The following PLCZ1 variants were observed in gnomAD, a reference collection of about 807,000 sequenced individuals.
PLCZ1 encodes the protein 1-phosphatidylinositol 4,5-bisphosphate phosphodiesterase zeta-1.
In PLCZ1, 64 loss-of-function variants were observed where a neutral mutation model predicts 76.8. The observed-to-expected ratio is 0.83, with a 90% confidence interval of 0.68 to 1.03. The LOEUF (loss-of-function observed/expected upper bound fraction) is 1.03. Among genes scored for constraint, PLCZ1 ranks in the 50% least tolerant of loss-of-function variants. The pLI, the probability that PLCZ1 is intolerant of heterozygous loss-of-function variation, is 0.00. For missense variants in PLCZ1, 751 were observed against 713.7 expected (o/e 1.05, Z -0.60); for synonymous variants, 248 against 230.8 (o/e 1.07, Z -0.68).
intron 6 of PLCZ1, among the ~76,000 whole-genome samples, chr12:18,707,805 G>T (rs563364122): frequency 6.6e-6 from 1 of 152,216 alleles, no homozygotes; most frequent in African/African-American, 2.4e-5. Flanking sequence ...CAGCTGGGAA[G>T]TCTCATTGAG....
At chr12:18,682,060 T>C (rs950421477), downstream of PLCZ1, among the ~76,000 whole-genome samples, 2 of 152,042 alleles carry the variant, frequency 1.3e-5, no homozygotes, top group Admixed American at 6.6e-5. Flanking sequence ...TTTCTAAGAA[T>C]TGGCTGTGCA....
chr12:18,702,524 C>T (rs1186311978), intron 7 of PLCZ1, among the ~76,000 whole-genome samples: 1 of 152,030 alleles, frequency 6.6e-6, no homozygotes, highest in Non-Finnish European at 1.5e-5. Context: ...TTTGATTGTC[C>T]TTTCTCTTTT....
the PLCZ1 span, among the ~76,000 whole-genome samples, chr12:18,654,806 A>G: frequency 3.3e-5 from 5 of 152,192 alleles, no homozygotes; most frequent in Non-Finnish European, 7.3e-5. Context: ...AGTGACAAAC[A>G]TCGAACTCAC....
At chr12:18,674,127 A>G in the PLCZ1 span, among the ~76,000 whole-genome samples, 21 of 152,354 alleles carry the variant, frequency 1.4e-4, no homozygotes, top group African/African-American at 4.8e-4. Context: ...AAAGAATATT[A>G]GAGGGAAAAG....
the PLCZ1 span, among the ~76,000 whole-genome samples, chr12:18,675,738 T>C: frequency 3.9e-5 from 6 of 152,106 alleles, no homozygotes; most frequent in Non-Finnish European, 7.3e-5. Flanking sequence ...TGGATGGAGC[T>C]GGAGTCCATT....
At chr12:18,721,763 T>C (rs1368024259) in intron 4 of PLCZ1, among the ~76,000 whole-genome samples, 1 of 151,480 alleles carries the variant, frequency 6.6e-6, no homozygotes, top group Non-Finnish European at 1.5e-5. Flanking sequence ...TGCTTAGTGA[T>C]ATAGTCGCTT....
At chr12:18,729,295 A>C (rs867842421) in intron 3 of PLCZ1, among the ~76,000 whole-genome samples, 11,015 of 152,056 alleles carry the variant, frequency 0.072, 499 homozygotes, top group Middle Eastern at 0.12. Flanking sequence ...CTTCTTATTT[A>C]AGGTCCAGCA....
At chr12:18,650,347 ATGTGTGTG>A in the PLCZ1 span, among the ~76,000 whole-genome samples, 6,994 of 114,528 alleles carry the variant, frequency 0.061, 218 homozygotes, top group Middle Eastern at 0.12. Flanking sequence ...ATATATATAT[ATGTGTGTG>A]TGTGTGTGTG....
chr12:18,667,824 C>G, the PLCZ1 span, among the ~76,000 whole-genome samples: 1 of 152,148 alleles, frequency 6.6e-6, no homozygotes, highest in East Asian at 1.9e-4. Context: ...ACTTCAAACT[C>G]CATGCCATTT....
chr12:18,698,600 G>T (rs1471891), intron 10 of PLCZ1, among the ~76,000 whole-genome samples: 37,766 of 151,892 alleles, frequency 0.25, 5,151 homozygotes, highest in East Asian at 0.5. Context: ...TTTTCCTTCT[G>T]TGGTATTTCT....
chr12:18,688,410 A>C (rs1953513728), intron 12 of PLCZ1, among the ~76,000 whole-genome samples, 192 bp from the exon 13 acceptor site: 1 of 152,080 alleles, frequency 6.6e-6, no homozygotes, highest in African/African-American at 2.4e-5. Context: ...ATAAACACCA[A>C]GAATATGTAC....
intron 3 of PLCZ1, among the ~76,000 whole-genome samples, chr12:18,725,432 G>A (rs1958697004): frequency 6.6e-6 from 1 of 152,074 alleles, no homozygotes; most frequent in African/African-American, 2.4e-5. Context: ...AGCCACACAG[G>A]TAGACCAGGA....
intron 12 of PLCZ1, chr12:18,693,470 A>G: frequency 6.2e-7 from 1 of 1,607,356 alleles, no homozygotes; most frequent in Non-Finnish European, 8.5e-7. Flanking sequence ...TGGCACAGGT[A>G]AAACCTTGTT....
the PLCZ1 span, among the ~76,000 whole-genome samples, chr12:18,659,280 T>G: frequency 2.0e-5 from 3 of 152,186 alleles, no homozygotes; most frequent in Non-Finnish European, 4.4e-5. Flanking sequence ...AGATAAATAC[T>G]ATCACTAGTC....
the PLCZ1 span, among the ~76,000 whole-genome samples, chr12:18,650,109 CAATATTCCCTTG>C: frequency 6.6e-6 from 1 of 152,042 alleles, no homozygotes; most frequent in African/African-American, 2.4e-5. Flanking sequence ...ACTGCCAACT[CAATATTCCCTTG>C]AATTGCTGAT....
chr12:18,659,749 G>T, the PLCZ1 span, among the ~76,000 whole-genome samples: 4 of 147,648 alleles, frequency 2.7e-5, no homozygotes, highest in African/African-American at 1.0e-4. Flanking sequence ...ATGTATACAC[G>T]TGCCATATTG....
At chr12:18,689,207 A>T (rs1212649582) in intron 12 of PLCZ1, among the ~76,000 whole-genome samples, 1 of 152,134 alleles carries the variant, frequency 6.6e-6, no homozygotes, top group Non-Finnish European at 1.5e-5. Flanking sequence ...GACCCGCTAA[A>T]TATCACTTTA....
chr12:18,691,056 A>G (rs900711852), intron 12 of PLCZ1, among the ~76,000 whole-genome samples: 4 of 152,178 alleles, frequency 2.6e-5, no homozygotes, highest in African/African-American at 7.2e-5. Flanking sequence ...AAAGAAATAG[A>G]CCTGATGACA....
chr12:18,669,646 C>T, the PLCZ1 span, among the ~76,000 whole-genome samples: 1 of 150,974 alleles, frequency 6.6e-6, no homozygotes, highest in Admixed American at 6.6e-5. Context: ...AGAGAGGAAG[C>T]TCTGGTGTCT....
Sources: gnomAD v4.1 joint callset for allele counts (sites outside exome capture counted in the v4.1 genomes callset) on GRCh38, gnomAD v4.1.1 for gene constraint, MANE v1.5 for transcripts, NCBI Gene and HGNC (gene_info 2026-07-23, HGNC 2026-07-21) for gene names.